Variants in NAV3 observed in about 807,000 individuals in gnomAD.
NAV3 encodes the protein neuron navigator 3.
A neutral mutation model predicts 244.7 loss-of-function variants in NAV3; 87 were observed. The ratio of observed to expected loss-of-function variants is 0.36; its 90% CI spans 0.30 to 0.42. NAV3 has a LOEUF of 0.42. NAV3 is among the 20% of genes least tolerant of loss of function. The probability of loss-of-function intolerance (pLI) is 1.00; values close to 1 mark genes in which losing one functional copy is unlikely to be tolerated. For missense variants in NAV3, 2,663 were observed against 2,893.3 expected (o/e 0.92, Z 1.83); for synonymous variants, 1,126 against 1,042.2 (o/e 1.08, Z -1.55).
In NAV3 at chr12:78,050,859, G is replaced by A. The variant is rs752996324; in HGVS notation, c.2228G>A (p.Arg743Lys). 6.2e-7 allele frequency: 1 copy of A among 1,614,166 alleles called. No homozygotes were observed. Among genetic ancestry groups the A allele is most frequent in the East Asian group, 2.2e-5 (1 of 44,866 alleles). Reference sequence around the variant, plus strand: ...AGTCGACCCACCCCCATGACCTGGAGGTTGGGCCAGGCATGTCCGCGACTT... The same window carrying A: ...AGTCGACCCACCCCCATGACCTGGAAGTTGGGCCAGGCATGTCCGCGACTT... ...LTSRPTPMTW[R>K]LGQACPRLQA... The change falls in exon 11 of 40, where the codon AGG becomes AAG. Residue 743 changes from arginine to lysine, a missense_variant. Arg to Lys is a conservative substitution (Grantham distance 26). This residue lies in a region of NAV3 where 1,521 missense variants were observed against 1,497.0 expected (regional missense o/e 1.02). Coordinates refer to ENST00000397909, the MANE Select transcript of NAV3 (RefSeq NM_001024383.2).
intron 2 of NAV3, among the ~76,000 whole-genome samples, chr12:77,796,592 A>G (rs769176855): frequency 3.3e-5 from 5 of 152,224 alleles, no homozygotes; most frequent in Non-Finnish European, 7.3e-5. Context: ...TGTAGATAAA[A>G]TGCTATCAAT....
At chr12:77,904,574 C>T (rs996680547) in intron 1 of NAV3, among the ~76,000 whole-genome samples, 1 of 152,138 alleles carries the variant, frequency 6.6e-6, no homozygotes, top group Admixed American at 6.5e-5. Flanking sequence ...AGCACACCAA[C>T]ATGGCACATG....
chr12:77,831,327 T>A lies in NAV3; in HGVS notation c.-135T>A. 1 of 937,562 alleles carries A rather than the reference T, an allele frequency of 1.1e-6. No individual in the cohort carries two copies. The highest frequency in any genetic ancestry group is 1.5e-6 in the Non-Finnish European group (1 of 658,756). The allele number at this position is 937,562 out of a possible 1,614,324, so 58.1% of individuals were successfully genotyped here. A position where few individuals can be genotyped will look rare whatever the true frequency, so the allele number is the denominator to read the frequency against. On this transcript the variant is annotated 5_prime_UTR_variant, in exon 1 of 40. Coordinates refer to ENST00000397909, the MANE Select transcript of NAV3 (RefSeq NM_001024383.2). ...TTTTGCCTCTTCCTGAAAATTATAT[T>A]ATTAGCTTTTTAAAAATCAGGATGA...
intron 30 of NAV3, among the ~76,000 whole-genome samples, chr12:78,183,345 G>A (rs3782391): frequency 6.6e-6 from 1 of 151,872 alleles, no homozygotes; most frequent in African/African-American, 2.4e-5. Flanking sequence ...ACAAATAATG[G>A]CTGGAAGAGC....
chr12:77,886,931 T>A (rs565833796), intron 1 of NAV3, among the ~76,000 whole-genome samples: 8 of 152,260 alleles, frequency 5.3e-5, no homozygotes, highest in South Asian at 2.1e-4. Flanking sequence ...GATTCCAAGC[T>A]ATATGGGAAT....
chr12:78,027,823 T>A (rs1878329491), intron 9 of NAV3, among the ~76,000 whole-genome samples: 2 of 152,190 alleles, frequency 1.3e-5, no homozygotes. Context: ...TGGTTTTTGT[T>A]TTGTTTTTGT....
chr12:77,794,750 T>C (rs1565816604), intron 2 of NAV3, among the ~76,000 whole-genome samples: 1 of 152,242 alleles, frequency 6.6e-6, no homozygotes, highest in African/African-American at 2.4e-5. Flanking sequence ...AATTTTTTAA[T>C]TATTATTGTA....
intron 12 of NAV3, among the ~76,000 whole-genome samples, chr12:78,079,971 T>A (rs942568408): frequency 3.9e-5 from 6 of 152,340 alleles, no homozygotes; most frequent in Non-Finnish European, 7.4e-5. Context: ...ATGAGGCCAC[T>A]GAAGCATGGA....
At chr12:77,651,578 C>A (rs1338427454) in intron 2 of NAV3, among the ~76,000 whole-genome samples, 1 of 152,232 alleles carries the variant, frequency 6.6e-6, no homozygotes, top group East Asian at 1.9e-4. Context: ...CCCTTAACTG[C>A]CTGAGACCAT....
At chr12:77,916,104 C>T (rs937211459) in intron 1 of NAV3, among the ~76,000 whole-genome samples, 1 of 151,946 alleles carries the variant, frequency 6.6e-6, no homozygotes, top group Non-Finnish European at 1.5e-5. Context: ...AGAGACATGA[C>T]TTAAATGAGT....
At chr12:78,131,935 A>G (rs1167664252) in intron 18 of NAV3, among the ~76,000 whole-genome samples, 1 of 152,176 alleles carries the variant, frequency 6.6e-6, no homozygotes, top group Non-Finnish European at 1.5e-5. Context: ...GTAATTCGCA[A>G]CACAGTAACC....
At chr12:78,154,773 T>A (rs187463908) in intron 22 of NAV3, among the ~76,000 whole-genome samples, 8 of 152,124 alleles carry the variant, frequency 5.3e-5, no homozygotes, top group African/African-American at 1.9e-4. Context: ...AAATCCATAT[T>A]TTTTAAAAGT....
intron 1 of NAV3, among the ~76,000 whole-genome samples, chr12:77,887,247 C>T (rs1012948694): frequency 3.3e-5 from 5 of 152,078 alleles, no homozygotes; most frequent in African/African-American, 1.2e-4. Context: ...TAGTTTTGCT[C>T]TTTGGTAATC....
intron 2 of NAV3, among the ~76,000 whole-genome samples, chr12:77,793,950 G>T (rs1592688275): frequency 6.6e-6 from 1 of 152,138 alleles, no homozygotes; most frequent in East Asian, 1.9e-4. Flanking sequence ...ACAGTGTAAA[G>T]CATTCCTATT....
chr12:77,926,471 C>T (rs945696336), intron 1 of NAV3, among the ~76,000 whole-genome samples: 1 of 150,512 alleles, frequency 6.6e-6, no homozygotes, highest in African/African-American at 2.4e-5. Context: ...TAGATAGATA[C>T]ATACATACAT....
At chr12:77,983,548 C>T (rs537845643) in intron 5 of NAV3, among the ~76,000 whole-genome samples, 20 of 152,038 alleles carry the variant, frequency 1.3e-4, no homozygotes, top group Non-Finnish European at 2.6e-4. Flanking sequence ...TATGTGGCTC[C>T]GGAGCCTAGG....
At chr12:77,868,144 A>T (rs544165293) in intron 1 of NAV3, among the ~76,000 whole-genome samples, 45 of 152,180 alleles carry the variant, frequency 3.0e-4, no homozygotes, top group Non-Finnish European at 5.9e-4. Context: ...AGAATACAGG[A>T]GCAGCTTACT....
intron 1 of NAV3, among the ~76,000 whole-genome samples, chr12:77,908,158 GTTTA>G (rs1288824603): frequency 2.0e-5 from 3 of 151,974 alleles, no homozygotes; most frequent in Non-Finnish European, 2.9e-5. Flanking sequence ...CAAATTATAC[GTTTA>G]TTTGTCAGCA....
intron 9 of NAV3, among the ~76,000 whole-genome samples, chr12:78,039,030 G>GT (rs377109286): frequency 7.0e-4 from 106 of 152,194 alleles, no homozygotes; most frequent in African/African-American, 2.4e-3. Context: ...TCTGCTTATT[G>GT]TATTTATATG....
Sources: gnomAD v4.1 joint callset for allele counts (sites outside exome capture counted in the v4.1 genomes callset) on GRCh38, gnomAD v4.1.1 for gene constraint, gnomAD v4.1.1 regional missense constraint, MANE v1.5 for transcripts, NCBI Gene and HGNC (gene_info 2026-07-23, HGNC 2026-07-21) for gene names.